The following BCL2 variants were observed in gnomAD, a reference collection of about 807,000 sequenced individuals.
BCL2 encodes the protein BCL2 apoptosis regulator, also known as apoptosis regulator Bcl-2.
Under a neutral mutation model 14.2 loss-of-function variants are expected in BCL2, and 1 was observed. The observed-to-expected ratio is 0.07, with a 90% CI of 0.02 to 0.33. The LOEUF (loss-of-function observed/expected upper bound fraction) is 0.33. BCL2 is among the 10% of genes least tolerant of loss of function. The probability of loss-of-function intolerance (pLI) is 0.99; values close to 1 mark genes in which losing one functional copy is unlikely to be tolerated. For synonymous variants in BCL2, 151 were observed against 137.2 expected, an observed-to-expected ratio of 1.10 and a Z score of -0.70; for missense variants, 247 against 305.9, an observed-to-expected ratio of 0.81 and a Z score of 1.44.
chr18:63,189,342 A>C (rs1021327866), intron 2 of BCL2, among the ~76,000 whole-genome samples: 10 of 152,166 alleles, frequency 6.6e-5, no homozygotes, highest in African/African-American at 2.2e-4. Flanking sequence ...ATTTAGCCAT[A>C]ATTCATGATA....
rs1599195428 is a variant in BCL2, at chr18:63,127,230, G to A, written c.*1395C>T. 5 of 230,596 alleles carry A rather than the reference G, an allele frequency of 2.2e-5. No homozygotes were observed. The East Asian group carries it at 3.1e-4, about 14-fold the overall frequency. The allele number at this position is 230,596 out of a possible 1,614,324, so 14.3% of individuals were successfully genotyped here. ...TTTAGGATTTGTGACCCTCTCCAAA[G>A]TCATTTAAAGCCTTGCTTTAAACTC... is the stretch of plus-strand genomic sequence containing the variant. On this transcript the variant is annotated 3_prime_UTR_variant, in exon 3 of 3. Coordinates refer to ENST00000333681, the MANE Select transcript of BCL2 (RefSeq NM_000633.3).
chr18:63,214,322 G>A (rs17841945), intron 2 of BCL2, among the ~76,000 whole-genome samples: 4,860 of 152,314 alleles, frequency 0.032, 149 homozygotes, highest in East Asian at 0.098. Flanking sequence ...TAGGGGAGGT[G>A]AGACAAACGT....
At chr18:63,312,979 T>C (rs761852516) in intron 2 of BCL2, among the ~76,000 whole-genome samples, 2 of 152,220 alleles carry the variant, frequency 1.3e-5, no homozygotes, top group African/African-American at 2.4e-5. Flanking sequence ...ACAGTATTTT[T>C]TAAAGTATCT....
intron 2 of BCL2, among the ~76,000 whole-genome samples, chr18:63,210,724 G>A (rs1463159369): frequency 6.6e-6 from 1 of 152,100 alleles, no homozygotes; most frequent in Non-Finnish European, 1.5e-5. Flanking sequence ...TTTCCTTTCA[G>A]TTCTTTTTTT....
At chr18:63,241,734 AC>A (rs1911006697) in intron 2 of BCL2, among the ~76,000 whole-genome samples, 1 of 152,250 alleles carries the variant, frequency 6.6e-6, no homozygotes, top group African/African-American at 2.4e-5. Context: ...CAGCAAACAC[AC>A]AGAAAAGTCA....
At chr18:63,186,299 T>C (rs1915592574) in intron 2 of BCL2, among the ~76,000 whole-genome samples, 1 of 152,228 alleles carries the variant, frequency 6.6e-6, no homozygotes, top group Non-Finnish European at 1.5e-5. Flanking sequence ...ATTATACACA[T>C]GTGACTAATG....
At chr18:63,139,190 G>A (rs1339584208) in intron 2 of BCL2, among the ~76,000 whole-genome samples, 2 of 152,192 alleles carry the variant, frequency 1.3e-5, no homozygotes, top group Non-Finnish European at 2.9e-5. Flanking sequence ...GGGCACCTGT[G>A]GGCTCATGTC....
chr18:63,242,464 G>T (rs569828594), intron 2 of BCL2, among the ~76,000 whole-genome samples: 1 of 152,208 alleles, frequency 6.6e-6, no homozygotes, highest in African/African-American at 2.4e-5. Context: ...AGTGCAAAAC[G>T]GCTGTCAGGG....
chr18:63,219,128 T>A (rs1352092823), intron 2 of BCL2, among the ~76,000 whole-genome samples: 1 of 152,204 alleles, frequency 6.6e-6, no homozygotes, highest in East Asian at 1.9e-4. Flanking sequence ...CATCATTAAA[T>A]CTTATCTTCT....
At chr18:63,144,375 C>T (rs56803347) in intron 2 of BCL2, among the ~76,000 whole-genome samples, 1 of 152,266 alleles carries the variant, frequency 6.6e-6, no homozygotes, top group African/African-American at 2.4e-5. Flanking sequence ...ACAGAAGAGA[C>T]TGCCATCAGA....
At chr18:63,229,006 G>C (rs990164651) in intron 2 of BCL2, among the ~76,000 whole-genome samples, 105 of 152,270 alleles carry the variant, frequency 6.9e-4, no homozygotes, top group Middle Eastern at 6.8e-3. Flanking sequence ...CACCACGCCC[G>C]GCCTACAGCC....
chr18:63,309,753 G>A (rs952579657), intron 2 of BCL2, among the ~76,000 whole-genome samples: 2 of 152,126 alleles, frequency 1.3e-5, no homozygotes, highest in Non-Finnish European at 2.9e-5. Context: ...ATTGGCTCTA[G>A]GAACCCCCAG....
intron 2 of BCL2, among the ~76,000 whole-genome samples, chr18:63,189,292 C>T (rs542642070): frequency 6.6e-6 from 1 of 152,092 alleles, no homozygotes; most frequent in Admixed American, 6.5e-5. Flanking sequence ...AGGTACAATC[C>T]AGTCATACTA....
intron 2 of BCL2, among the ~76,000 whole-genome samples, chr18:63,305,969 G>A (rs941293095): frequency 1.3e-5 from 2 of 152,102 alleles, no homozygotes; most frequent in Non-Finnish European, 2.9e-5. Context: ...CAGCTACTCA[G>A]GAGACTGAGG....
At chr18:63,317,594 T>C in intron 2 of BCL2, 1 of 994,010 alleles carries the variant, frequency 1.0e-6, no homozygotes, top group African/African-American at 1.7e-5. Context: ...GTGGAGTCTA[T>C]TCTTCTAATC....
At chr18:63,222,298 AAAAG>A (rs1374009797) in intron 2 of BCL2, among the ~76,000 whole-genome samples, 5 of 151,554 alleles carry the variant, frequency 3.3e-5, no homozygotes, top group African/African-American at 4.8e-5. Context: ...AGAAAAAGAA[AAAAG>A]AAAGAAAGAA....
intron 2 of BCL2, among the ~76,000 whole-genome samples, chr18:63,265,171 G>A (rs1291166383): frequency 1.3e-5 from 2 of 152,176 alleles, no homozygotes. Flanking sequence ...AGAGCACCAC[G>A]CTAAGGTCTT....
intron 2 of BCL2, among the ~76,000 whole-genome samples, chr18:63,212,280 A>AGCAT (rs1910043760): frequency 1.3e-5 from 2 of 151,696 alleles, no homozygotes; most frequent in Non-Finnish European, 1.5e-5. Flanking sequence ...GTGAGCCAAG[A>AGCAT]GCATGCCACT....
chr18:63,250,320 T>C (rs1013400662), intron 2 of BCL2, among the ~76,000 whole-genome samples: 2 of 152,198 alleles, frequency 1.3e-5, no homozygotes, highest in Admixed American at 6.5e-5. Flanking sequence ...TCATGAAAAA[T>C]GAATTAAGTT....
Sources: gnomAD v4.1 joint callset for allele counts (sites outside exome capture counted in the v4.1 genomes callset) on GRCh38, gnomAD v4.1.1 for gene constraint, MANE v1.5 for transcripts, NCBI Gene and HGNC (gene_info 2026-07-23, HGNC 2026-07-21) for gene names.